CNBD1: variants seen among roughly 807,000 people sequenced by gnomAD.
CNBD1 encodes cyclic nucleotide binding domain containing 1, also known as cyclic nucleotide-binding domain-containing protein 1.
Under a neutral mutation model 54.4 loss-of-function variants are expected in CNBD1, and 71 were observed. That is an observed-to-expected ratio of 1.30 (90% CI 1.08 to 1.59). The LOEUF is 1.59. Ranked by LOEUF, CNBD1 falls within the 40% of genes most tolerant of loss-of-function variation. CNBD1 has a pLI of 0.00. For synonymous variants in CNBD1, 182 were observed against 170.7 expected (o/e 1.07, Z -0.51); for missense variants, 659 against 518.0 (o/e 1.27, Z -2.64).
intron 4 of CNBD1, among the ~76,000 whole-genome samples, chr8:87,019,959 CA>C (rs1285241549): frequency 2.6e-5 from 4 of 152,046 alleles, no homozygotes; most frequent in Admixed American, 2.6e-4. Context: ...TCAAAAGATC[CA>C]AATAACCCTT....
chr8:87,341,315 A>G (rs550238563), intron 8 of CNBD1, among the ~76,000 whole-genome samples: 129 of 152,156 alleles, frequency 8.5e-4, no homozygotes, highest in Non-Finnish European at 1.5e-3. Flanking sequence ...TCTGAGAGAG[A>G]TGAGACAATG....
At chr8:86,957,476 G>T (rs922054441) in intron 4 of CNBD1, among the ~76,000 whole-genome samples, 2 of 152,088 alleles carry the variant, frequency 1.3e-5, no homozygotes, top group Non-Finnish European at 2.9e-5. Flanking sequence ...TTTTTGGTTG[G>T]TAGGCTATTA....
At chr8:86,966,997 A>AT (rs1808094561) in intron 4 of CNBD1, among the ~76,000 whole-genome samples, 1 of 152,078 alleles carries the variant, frequency 6.6e-6, no homozygotes, top group African/African-American at 2.4e-5. Context: ...TGATTGGTGT[A>AT]TTTACAAACC....
At chr8:87,108,415 G>C (rs549370580) in intron 4 of CNBD1, among the ~76,000 whole-genome samples, 14 of 152,264 alleles carry the variant, frequency 9.2e-5, no homozygotes, top group Non-Finnish European at 1.6e-4. Flanking sequence ...GTATATAACA[G>C]AATCATTCAT....
chr8:87,104,978 C>A (rs184571451), intron 4 of CNBD1, among the ~76,000 whole-genome samples: 1 of 152,052 alleles, frequency 6.6e-6, no homozygotes, highest in African/African-American at 2.4e-5. Context: ...TTTTATTTCA[C>A]GGTATGAAAT....
intron 8 of CNBD1, among the ~76,000 whole-genome samples, chr8:87,328,513 A>G (rs1022051532): frequency 6.6e-6 from 1 of 151,348 alleles, no homozygotes; most frequent in African/African-American, 2.4e-5. Flanking sequence ...TGATTACTGT[A>G]GTTCTCCAAT....
chr8:87,098,898 G>A (rs1407972975), intron 4 of CNBD1, among the ~76,000 whole-genome samples: 7 of 151,402 alleles, frequency 4.6e-5, no homozygotes, highest in South Asian at 4.2e-4. Context: ...TTAGCCAGGC[G>A]TGGTGGCACA....
At chr8:87,388,182 C>A (rs560955188) in intron 2 of CNBD1, among the ~76,000 whole-genome samples, 1 of 152,142 alleles carries the variant, frequency 6.6e-6, no homozygotes, top group South Asian at 2.1e-4. Context: ...CCTAACATCA[C>A]AATTAAAAGA....
intron 4 of CNBD1, among the ~76,000 whole-genome samples, chr8:87,090,277 ATT>A (rs2130678126): frequency 6.6e-6 from 1 of 152,286 alleles, no homozygotes; most frequent in Non-Finnish European, 1.5e-5. Flanking sequence ...TCTCTAATAT[ATT>A]GTCTCTTAAG....
At chr8:87,371,535 A>G (rs891897906) in intron 10 of CNBD1, among the ~76,000 whole-genome samples, 1 of 152,002 alleles carries the variant, frequency 6.6e-6, no homozygotes, top group Admixed American at 6.6e-5. Context: ...ACACAACCAA[A>G]AAAGAGAATT....
At chr8:86,973,380 ATTTAT>A (rs1191417847) in intron 4 of CNBD1, among the ~76,000 whole-genome samples, 1 of 152,176 alleles carries the variant, frequency 6.6e-6, no homozygotes. Context: ...TGCAGTAATA[ATTTAT>A]TTTATTTGCA....
At chr8:87,060,261 C>A (rs184451641) in intron 4 of CNBD1, among the ~76,000 whole-genome samples, 56 of 152,156 alleles carry the variant, frequency 3.7e-4, no homozygotes, top group Non-Finnish European at 6.8e-4. Flanking sequence ...GGAACTGGGG[C>A]ACAATAAATA....
intron 8 of CNBD1, among the ~76,000 whole-genome samples, chr8:87,328,036 G>GTA (rs1169808839): frequency 1.3e-5 from 2 of 151,652 alleles, no homozygotes; most frequent in East Asian, 1.9e-4. Context: ...TGTTCCATAG[G>GTA]TATATATATA....
At chr8:87,217,868 T>C (rs550489074) in intron 5 of CNBD1, among the ~76,000 whole-genome samples, 1 of 152,256 alleles carries the variant, frequency 6.6e-6, no homozygotes, top group South Asian at 2.1e-4. Flanking sequence ...ACTTTATATT[T>C]ATTGAGAATT....
intron 6 of CNBD1, among the ~76,000 whole-genome samples, chr8:87,237,764 A>G (rs1226369791): frequency 6.6e-6 from 1 of 152,118 alleles, no homozygotes; most frequent in Non-Finnish European, 1.5e-5. Context: ...ACCAATTAAA[A>G]CCAAATAATT....
rs1813380295 is a variant in CNBD1, at chr8:87,182,622, A to T, written c.432-23371A>T. 6.6e-6 allele frequency among the ~76,000 whole-genome samples: 1 copy of T among 150,746 alleles called. No individual in the cohort carries two copies. Among genetic ancestry groups the T allele is most frequent in the South Asian group, 2.1e-4 (1 of 4,790 alleles). ...GAGATGGTATCTCATCGTGGTTTTG[A>T]TTTGCATTTCTCTAATAGCTGGTGA... On this transcript the variant is annotated intron_variant, in intron 4 of 10. Coordinates refer to ENST00000518476, the MANE Select transcript of CNBD1 (RefSeq NM_173538.3). The surrounding 1 kb of genome is among the most constrained non-coding windows in gnomAD (Gnocchi z 4.1).
chr8:87,363,945 A>T (rs1038295395), intron 10 of CNBD1, among the ~76,000 whole-genome samples: 4 of 149,224 alleles, frequency 2.7e-5, no homozygotes, highest in African/African-American at 9.8e-5. Context: ...TATGTCCTGA[A>T]TGGTATTGCC....
rs1319978585 is a variant in CNBD1, at chr8:87,098,964, G to A, written c.432-107029G>A. 7.5e-5 allele frequency among the ~76,000 whole-genome samples: 11 copies of A among 146,452 alleles called. No homozygotes were observed. In the East Asian group the frequency reaches 1.6e-3, roughly 22 times the overall value. On this transcript the variant is annotated intron_variant, in intron 4 of 10. Transcript: ENST00000518476. ...AGGCAGGAGAATAGTTTGAATCTGGGAGGCAGGGGTTGCAGTGAGCTAAGA... is the reference window on the plus strand; with the variant it reads ...AGGCAGGAGAATAGTTTGAATCTGGAAGGCAGGGGTTGCAGTGAGCTAAGA...
rs376760442 is a variant in CNBD1, at chr8:87,184,096, G to T, written c.432-21897G>T. The stretch of plus-strand genomic sequence containing the variant: ...GGCCAATGGGGTGACAGAAGGGGCT[G>T]CACGCATGTGCTCACGGGTTGGCTG... On this transcript the variant is annotated intron_variant, in intron 4 of 10. Coordinates refer to ENST00000518476, the MANE Select transcript of CNBD1 (RefSeq NM_173538.3). Among the ~76,000 whole-genome samples, 6 of 152,324 alleles carry T rather than the reference G, an allele frequency of 3.9e-5. No individual in the cohort carries two copies. In the East Asian group the frequency reaches 5.8e-4, roughly 15 times the overall value.
Sources: allele counts gnomAD v4.1 joint callset (sites outside exome capture counted in the v4.1 genomes callset), GRCh38; gene constraint gnomAD v4.1.1; non-coding constraint Gnocchi (gnomAD v3.1); transcripts MANE v1.5; gene names NCBI Gene and HGNC (gene_info 2026-07-23, HGNC 2026-07-21).